The following MGAT4A variants were observed in gnomAD, a reference collection of about 807,000 sequenced individuals.
MGAT4A encodes N-acetylglucosaminyltransferase IVa.
MGAT4A carries 33 observed loss-of-function variants against 74.1 expected under a neutral mutation model. The observed-to-expected ratio is 0.45, with a 90% CI of 0.34 to 0.60. The LOEUF (loss-of-function observed/expected upper bound fraction) is 0.60. Ranked by LOEUF, MGAT4A falls within the 20% of genes least tolerant of loss-of-function variation. The pLI, the probability that MGAT4A is intolerant of heterozygous loss-of-function variation, is 0.02. For missense variants in MGAT4A, 479 were observed against 628.3 expected (o/e 0.76, Z 2.54); for synonymous variants, 198 against 210.4 (o/e 0.94, Z 0.51).
In MGAT4A at chr2:98,639,945, C is replaced by T. The variant is rs929572900; in HGVS notation, c.1185G>A (p.Glu395=). Residue 395 remains glutamate, a synonymous_variant, in exon 12 of 16, where the codon GAG becomes GAA. Coordinates refer to ENST00000393487, the MANE Select transcript of MGAT4A (RefSeq NM_012214.3). ...GGTAGACCTTCAAGGAAGTAGATACCTCCGCAGGTGGGTTTACATGGATTT... is the reference window on the plus strand; with the variant it reads ...GGTAGACCTTCAAGGAAGTAGATACTTCCGCAGGTGGGTTTACATGGATTT... The part of the protein sequence containing the change: ...LLKIHVNPPA[E]VSTSLKVYQG... 6.2e-7 allele frequency: 1 copy of T among 1,614,082 alleles called. No homozygotes were observed. The highest frequency in any genetic ancestry group is 8.5e-7 in the Non-Finnish European group (1 of 1,179,986).
At chr2:98,659,770 T>A (rs1394537255) in intron 5 of MGAT4A, among the ~76,000 whole-genome samples, 1 of 152,194 alleles carries the variant, frequency 6.6e-6, no homozygotes, top group Non-Finnish European at 1.5e-5. Context: ...TGTGGAACTG[T>A]GAGTCCATTT....
At position 98,699,108 on chromosome 2, in the gene MGAT4A, G is replaced by C. The variant is rs532258247; in HGVS notation, c.95-20637C>G. Among the ~76,000 whole-genome samples, 55 of 152,256 alleles carry C rather than the reference G, an allele frequency of 3.6e-4. 1 individual carries two copies. The South Asian group carries it at 0.011, about 31-fold the overall frequency. On this transcript the variant is annotated intron_variant, in intron 2 of 15. Coordinates refer to ENST00000393487, the MANE Select transcript of MGAT4A (RefSeq NM_012214.3). ...ACGGAGAGAAGTTTGGAAGAAACCA[G>C]GTATGCAGTGACTCAGGACACACTT...
intron 5 of MGAT4A, among the ~76,000 whole-genome samples, chr2:98,661,812 G>T (rs1701753832): frequency 1.3e-5 from 2 of 152,128 alleles, no homozygotes; most frequent in African/African-American, 4.8e-5. Context: ...CTCGATTATG[G>T]CAACAGCTTT....
At chr2:98,683,604 T>C (rs552249952) in intron 2 of MGAT4A, among the ~76,000 whole-genome samples, 2 of 152,106 alleles carry the variant, frequency 1.3e-5, no homozygotes, top group African/African-American at 2.4e-5. Context: ...ATGGCAGATA[T>C]AGGCTCAGTC....
At chr2:98,654,798 T>C (rs1575253028) in intron 8 of MGAT4A, among the ~76,000 whole-genome samples, 1 of 152,134 alleles carries the variant, frequency 6.6e-6, no homozygotes, top group East Asian at 1.9e-4. Context: ...AAAAAAATCC[T>C]CCTCAAATTT....
intron 14 of MGAT4A, among the ~76,000 whole-genome samples, chr2:98,629,917 C>T (rs1359818236): frequency 2.6e-5 from 4 of 152,172 alleles, no homozygotes; most frequent in South Asian, 2.1e-4. Flanking sequence ...TGGTGGCCTG[C>T]GCCTGTAATC....
intron 2 of MGAT4A, among the ~76,000 whole-genome samples, chr2:98,709,626 T>C (rs1343625748): frequency 6.6e-6 from 1 of 152,182 alleles, no homozygotes; most frequent in African/African-American, 2.4e-5. Flanking sequence ...TTCAGGAGTA[T>C]GAGATTTCCT....
chr2:98,699,015 C>T (rs866292090), intron 2 of MGAT4A, among the ~76,000 whole-genome samples: 1 of 152,148 alleles, frequency 6.6e-6, no homozygotes, highest in Non-Finnish European at 1.5e-5. Context: ...AGACTATCCC[C>T]AGGTTCAGTG....
At chr2:98,680,170 A>G (rs984939393) in intron 2 of MGAT4A, among the ~76,000 whole-genome samples, 2 of 151,082 alleles carry the variant, frequency 1.3e-5, no homozygotes, top group Non-Finnish European at 3.0e-5. Context: ...CAGCCTCCCA[A>G]GTAGCTGGGA....
chr2:98,671,672 C>T (rs114118713), intron 4 of MGAT4A, among the ~76,000 whole-genome samples: 3,265 of 152,196 alleles, frequency 0.021, 54 homozygotes, highest in Middle Eastern at 0.034. Context: ...CCAAAGATGT[C>T]CATGCCGTAA....
rs552933388 is a variant in MGAT4A at position 98,667,699 on chromosome 2, G to T, written c.404-4520C>A. Among the ~76,000 whole-genome samples, 679 of 124,822 alleles carry T rather than the reference G, an allele frequency of 5.4e-3. 4 individuals carry two copies. The highest frequency in any genetic ancestry group is 0.018 in the African/African-American group (639 of 35,030). The allele number at this position is 124,822 out of a possible 152,430, so 81.9% of individuals were successfully genotyped here. ...GTGCTGTTAAAGGCATTCAGTTTTT[G>T]TTGTTGTTGTTGTTGTTGTTGTTGT... On this transcript the variant is annotated intron_variant, in intron 4 of 15. Transcript: ENST00000393487.
At chr2:98,727,673 G>A (rs929316235) in intron 1 of MGAT4A, among the ~76,000 whole-genome samples, 2 of 152,146 alleles carry the variant, frequency 1.3e-5, no homozygotes, top group African/African-American at 4.8e-5. Flanking sequence ...AATTCTCTCT[G>A]GGGAAGAGCA....
Position 98,716,559 on chromosome 2 carries a change from G to A in MGAT4A, c.94+9680C>T, listed in dbSNP as rs190406750. On this transcript the variant is annotated intron_variant, in intron 2 of 15. Transcript: ENST00000393487. ...CTTGAACCCAGTGGGCAGAGGTTGCGGTGAGCCAAGATTGTCGATTGCACC... is the reference window on the plus strand; with the variant it reads ...CTTGAACCCAGTGGGCAGAGGTTGCAGTGAGCCAAGATTGTCGATTGCACC... Among the ~76,000 whole-genome samples the A allele has an allele frequency of 6.2e-3, 950 of 152,228 alleles. 3 individuals are homozygous for A. Among genetic ancestry groups the A allele is most frequent in the African/African-American group, 0.022 (896 of 41,528 alleles).
intron 2 of MGAT4A, among the ~76,000 whole-genome samples, chr2:98,723,690 T>C (rs889644711): frequency 5.9e-5 from 9 of 152,194 alleles, no homozygotes; most frequent in African/African-American, 1.9e-4. Flanking sequence ...TCAGAACTTG[T>C]AGCTGCACAC....
chr2:98,654,121 TA>T (rs35866907), intron 8 of MGAT4A, among the ~76,000 whole-genome samples: 46 of 151,744 alleles, frequency 3.0e-4, no homozygotes, highest in Non-Finnish European at 4.9e-4. Context: ...CTTTCTTGAT[TA>T]AAAAAAATGT....
chr2:98,622,045 C>T lies in MGAT4A; in HGVS notation c.*3521G>A, dbSNP rs575093682. 4.7e-5 allele frequency: 46 copies of T among 985,350 alleles called. No individual in the cohort carries two copies. Among genetic ancestry groups the T allele is most frequent in the Non-Finnish European group, 5.3e-5 (44 of 829,998 alleles). 61.0% of individuals were successfully genotyped at this position (985,350 alleles called of 1,614,324 possible). A position where few individuals can be genotyped will look rare whatever the true frequency, so the allele number is the denominator to read the frequency against. ...GTTCTGACTACACAGTATGGTACAG[C>T]GCGTGATGTGGAGAATGCATGAGAC... On this transcript the variant is annotated 3_prime_UTR_variant, in exon 16 of 16. Transcript: ENST00000393487.
At chr2:98,691,083 T>C (rs1321465896) in intron 2 of MGAT4A, among the ~76,000 whole-genome samples, 2 of 152,022 alleles carry the variant, frequency 1.3e-5, no homozygotes, top group Admixed American at 6.6e-5. Context: ...CAGAAGAACA[T>C]AGAGAAGCAA....
chr2:98,722,491 T>G (rs928605316), intron 2 of MGAT4A, among the ~76,000 whole-genome samples: 2 of 152,110 alleles, frequency 1.3e-5, no homozygotes, highest in Non-Finnish European at 2.9e-5. Context: ...GGGAAATCTA[T>G]AGAGACAGAA....
At chr2:98,642,551 A>G (rs1190832389) in intron 10 of MGAT4A, among the ~76,000 whole-genome samples, 3 of 152,188 alleles carry the variant, frequency 2.0e-5, no homozygotes, top group Non-Finnish European at 4.4e-5. Flanking sequence ...AATTTCTACT[A>G]TAGATGTTTT....
Sources: allele counts gnomAD v4.1 joint callset (sites outside exome capture counted in the v4.1 genomes callset), GRCh38; gene constraint gnomAD v4.1.1; transcripts MANE v1.5; gene names NCBI Gene and HGNC (gene_info 2026-07-23, HGNC 2026-07-21).